The following MACROD2 variants were observed in gnomAD, a reference collection of about 807,000 sequenced individuals.
MACROD2 encodes the protein ADP-ribose glycohydrolase MACROD2.
A neutral mutation model predicts 70.4 loss-of-function variants in MACROD2; 36 were observed. The observed-to-expected ratio is 0.51, with a 90% CI of 0.39 to 0.68. The LOEUF (loss-of-function observed/expected upper bound fraction) is 0.68. MACROD2 is among the 30% of genes least tolerant of loss of function. The pLI, the probability that MACROD2 is intolerant of heterozygous loss-of-function variation, is 0.00. For synonymous variants in MACROD2, 172 were observed against 178.8 expected (o/e 0.96, Z 0.30); for missense variants, 496 against 538.4 (o/e 0.92, Z 0.78).
chr20:14,187,055 G>A (rs138616867), intron 3 of MACROD2, among the ~76,000 whole-genome samples: 18 of 149,466 alleles, frequency 1.2e-4, no homozygotes, highest in African/African-American at 4.2e-4. Context: ...CCTCAGCAGC[G>A]TACAATTTAC....
chr20:15,379,896 A>G (rs2045617524), intron 6 of MACROD2, among the ~76,000 whole-genome samples: 4 of 152,198 alleles, frequency 2.6e-5, no homozygotes, highest in African/African-American at 9.7e-5. Context: ...CAAACTACAT[A>G]TAATAGTTAC....
intron 8 of MACROD2, among the ~76,000 whole-genome samples, chr20:15,687,394 A>G (rs902082506): frequency 5.9e-5 from 9 of 151,984 alleles, no homozygotes; most frequent in African/African-American, 9.7e-5. Flanking sequence ...TCCTGTTACT[A>G]TCACGGTGAT....
intron 4 of MACROD2, among the ~76,000 whole-genome samples, chr20:14,658,340 TC>T (rs1986072406): frequency 6.6e-6 from 1 of 151,946 alleles, no homozygotes; most frequent in African/African-American, 2.4e-5. Flanking sequence ...TATCTTGATC[TC>T]AGAAACTTAA....
chr20:14,125,105 T>G (rs1210033364), intron 3 of MACROD2, among the ~76,000 whole-genome samples: 1 of 152,146 alleles, frequency 6.6e-6, no homozygotes, highest in South Asian at 2.1e-4. Context: ...GAATAGATAA[T>G]GGAGGCAGAA....
intron 2 of MACROD2, among the ~76,000 whole-genome samples, chr20:14,075,162 G>A (rs1401894164): frequency 6.6e-6 from 1 of 151,894 alleles, no homozygotes; most frequent in Non-Finnish European, 1.5e-5. Flanking sequence ...TGAAAGTTCT[G>A]TACTCAAAAA....
intron 2 of MACROD2, among the ~76,000 whole-genome samples, chr20:14,069,404 T>C (rs971691120): frequency 6.6e-5 from 10 of 152,108 alleles, no homozygotes; most frequent in African/African-American, 2.4e-4. Flanking sequence ...CAACATCCTT[T>C]GGACAGGGCA....
At chr20:15,284,987 T>A (rs1890047128) in intron 6 of MACROD2, among the ~76,000 whole-genome samples, 3 of 152,218 alleles carry the variant, frequency 2.0e-5, no homozygotes, top group Admixed American at 2.0e-4. Context: ...TGTCATATTT[T>A]AACACTGGTT....
chr20:14,978,161 A>T (rs998355192), intron 5 of MACROD2, among the ~76,000 whole-genome samples: 1 of 152,116 alleles, frequency 6.6e-6, no homozygotes, highest in Admixed American at 6.6e-5. Context: ...ATAACATAAG[A>T]TCAACTGTTT....
intron 5 of MACROD2, among the ~76,000 whole-genome samples, chr20:14,862,017 A>ATATT (rs2073328613): frequency 6.8e-5 from 1 of 14,718 alleles, no homozygotes; most frequent in African/African-American, 1.7e-4. Flanking sequence ...ATATATATAT[A>ATATT]TTTATATATA....
At chr20:15,003,227 G>T (rs2075009359) in intron 5 of MACROD2, among the ~76,000 whole-genome samples, 1 of 152,136 alleles carries the variant, frequency 6.6e-6, no homozygotes, top group Non-Finnish European at 1.5e-5. Context: ...ATGAACCTCA[G>T]CTTTCCAATG....
chr20:15,767,585 T>G (rs1275892432), intron 8 of MACROD2, among the ~76,000 whole-genome samples: 1 of 152,218 alleles, frequency 6.6e-6, no homozygotes, highest in African/African-American at 2.4e-5. Flanking sequence ...TAGCCCCTCA[T>G]TTCTTCTGCC....
intron 3 of MACROD2, among the ~76,000 whole-genome samples, chr20:14,315,794 A>T (rs1056424151): frequency 2.0e-5 from 3 of 152,186 alleles, no homozygotes; most frequent in African/African-American, 7.2e-5. Flanking sequence ...AAACAATTAA[A>T]TGTTGGTACA....
chr20:15,230,207 ACTCTAATCTTT>A, intron 6 of MACROD2, 146 bp downstream of exon 6: 1 of 665,092 alleles, frequency 1.5e-6, no homozygotes, highest in Non-Finnish European at 2.3e-6. Flanking sequence ...GGTTATCATG[ACTCTAATCTTT>A]GATGTGCTAT....
intron 8 of MACROD2, among the ~76,000 whole-genome samples, chr20:15,816,708 G>A (rs2147096090): frequency 6.6e-6 from 1 of 152,286 alleles, no homozygotes; most frequent in Admixed American, 6.5e-5. Flanking sequence ...CCAGGCAGCA[G>A]GACTTCATTA....
At chr20:15,825,163 A>G (rs2063983170) in intron 8 of MACROD2, among the ~76,000 whole-genome samples, 1 of 152,174 alleles carries the variant, frequency 6.6e-6, no homozygotes, top group South Asian at 2.1e-4. Context: ...ATTTTTTGTC[A>G]TGCCCCCCAC....
chr20:15,278,581 T>C (rs2077414194), intron 6 of MACROD2, among the ~76,000 whole-genome samples: 2 of 152,180 alleles, frequency 1.3e-5, no homozygotes, highest in South Asian at 4.1e-4. Flanking sequence ...GTACACATGA[T>C]AAAACAGGTA....
At chr20:14,363,901 A>C (rs1044397547) in intron 3 of MACROD2, among the ~76,000 whole-genome samples, 2 of 151,514 alleles carry the variant, frequency 1.3e-5, no homozygotes, top group Admixed American at 1.3e-4. Context: ...TGTCAGAAAA[A>C]GGGAACACTG....
At chr20:14,582,862 G>A (rs1981126720) in intron 4 of MACROD2, among the ~76,000 whole-genome samples, 1 of 152,080 alleles carries the variant, frequency 6.6e-6, no homozygotes, top group African/African-American at 2.4e-5. Context: ...ATAATAAGAG[G>A]CACACAGGAG....
intron 3 of MACROD2, among the ~76,000 whole-genome samples, chr20:14,089,942 A>G (rs1392363934): frequency 2.0e-5 from 3 of 152,102 alleles, no homozygotes; most frequent in African/African-American, 7.2e-5. Context: ...GGTATATTGC[A>G]TAATGCTGAA....
Sources: allele counts gnomAD v4.1 joint callset (sites outside exome capture counted in the v4.1 genomes callset), GRCh38; gene constraint gnomAD v4.1.1; transcripts MANE v1.5; gene names NCBI Gene and HGNC (gene_info 2026-07-23, HGNC 2026-07-21).